KCND3: variants seen among roughly 807,000 people sequenced by gnomAD.
The protein encoded by KCND3 is potassium voltage-gated channel subfamily D member 3, also known as A-type voltage-gated potassium channel KCND3.
In KCND3, 9 loss-of-function variants were observed where a neutral mutation model predicts 51.1. That is an observed-to-expected ratio of 0.18 (90% CI 0.11 to 0.31). The LOEUF (loss-of-function observed/expected upper bound fraction) is 0.31, where lower values mean the gene tolerates loss of function less well. Ranked by LOEUF, KCND3 falls within the 10% of genes least tolerant of loss-of-function variation. KCND3 has a pLI of 1.00. For synonymous variants in KCND3, 349 were observed against 368.0 expected, an observed-to-expected ratio of 0.95 and a Z score of 0.59; for missense variants, 526 against 903.8, an observed-to-expected ratio of 0.58 and a Z score of 5.36.
intron 2 of KCND3, among the ~76,000 whole-genome samples, chr1:111,937,432 T>TG (rs1437470336): frequency 1.3e-5 from 2 of 152,076 alleles, no homozygotes; most frequent in African/African-American, 2.4e-5. Flanking sequence ...TCAGACTCCC[T>TG]GGGGGAAGGT....
intron 2 of KCND3, among the ~76,000 whole-genome samples, chr1:111,847,467 A>C (rs1302961558): frequency 6.6e-6 from 1 of 152,198 alleles, no homozygotes; most frequent in African/African-American, 2.4e-5. Context: ...TTTCTGGAAT[A>C]AACACGTCAG....
chr1:111,775,820 C>CA lies in KCND3; in HGVS notation c.*256_*257insT. On this transcript the variant is annotated 3_prime_UTR_variant, in exon 8 of 8. Transcript: ENST00000302127. ...CCTATATCCCCCGGCCTATCCCCGA[C>CA]CCCCCCACCCTCCCTCCCTTCCTCT... 2 of 124,962 alleles carry CA rather than the reference C, an allele frequency of 1.6e-5. No individual in the cohort carries two copies. The highest frequency in any genetic ancestry group is 2.2e-4 in the South Asian group (1 of 4,628). The allele number at this position is 124,962 out of a possible 1,614,324, so 7.7% of individuals were successfully genotyped here. A position where few individuals can be genotyped will look rare whatever the true frequency, so the allele number is the denominator to read the frequency against.
intron 2 of KCND3, among the ~76,000 whole-genome samples, chr1:111,937,708 A>C (rs537302375): frequency 1.3e-5 from 2 of 152,256 alleles, no homozygotes; most frequent in East Asian, 1.9e-4. Flanking sequence ...CTCAGTCTCC[A>C]TTCCCAGGAA....
intron 2 of KCND3, among the ~76,000 whole-genome samples, chr1:111,904,856 T>C (rs1571829617): frequency 6.6e-6 from 1 of 151,842 alleles, no homozygotes; most frequent in Non-Finnish European, 1.5e-5. Context: ...TCTGTGGAGG[T>C]AGACTCAGGA....
intron 2 of KCND3, among the ~76,000 whole-genome samples, chr1:111,889,224 A>G (rs1046672509): frequency 6.6e-6 from 1 of 152,212 alleles, no homozygotes; most frequent in African/African-American, 2.4e-5. Context: ...CCAAAAATTC[A>G]GGGGACAGAC....
intron 2 of KCND3, among the ~76,000 whole-genome samples, chr1:111,869,073 C>T (rs762128560): frequency 6.6e-6 from 1 of 152,198 alleles, no homozygotes; most frequent in Non-Finnish European, 1.5e-5. Flanking sequence ...TACTTCCTTC[C>T]ACACGCTGCC....
At chr1:111,975,695 C>G (rs976223740) in intron 2 of KCND3, among the ~76,000 whole-genome samples, 1 of 152,208 alleles carries the variant, frequency 6.6e-6, no homozygotes, top group African/African-American at 2.4e-5. Flanking sequence ...TCATGAGGAC[C>G]CTACATGAGC....
At chr1:111,976,701 C>A (rs901550535) in intron 2 of KCND3, among the ~76,000 whole-genome samples, 1 of 152,232 alleles carries the variant, frequency 6.6e-6, no homozygotes, top group African/African-American at 2.4e-5. Flanking sequence ...GTGTACCCAG[C>A]TCCTGGAGGT....
chr1:111,894,215 C>A (rs1669989863), intron 2 of KCND3, among the ~76,000 whole-genome samples: 1 of 152,180 alleles, frequency 6.6e-6, no homozygotes, highest in African/African-American at 2.4e-5. Flanking sequence ...TCTGCTCCAG[C>A]CTCACGGCCT....
intron 2 of KCND3, among the ~76,000 whole-genome samples, chr1:111,908,723 CT>C (rs1305199496): frequency 6.6e-6 from 1 of 152,110 alleles, no homozygotes; most frequent in Non-Finnish European, 1.5e-5. Context: ...TAATTCAACA[CT>C]TTTTTTGTCT....
intron 2 of KCND3, chr1:111,910,282 G>A (rs1670870817): frequency 6.6e-6 from 1 of 152,220 alleles, no homozygotes; most frequent in South Asian, 2.1e-4. Flanking sequence ...TAAAGGTGAA[G>A]CACAACATCA....
At chr1:111,923,487 C>T (rs1326022784) in intron 2 of KCND3, among the ~76,000 whole-genome samples, 2 of 152,218 alleles carry the variant, frequency 1.3e-5, no homozygotes, top group Non-Finnish European at 2.9e-5. Flanking sequence ...CCCACTGAAG[C>T]TTCCAGGCTC....
At chr1:111,958,353 G>A (rs1224917523) in intron 2 of KCND3, among the ~76,000 whole-genome samples, 1 of 152,174 alleles carries the variant, frequency 6.6e-6, no homozygotes, top group Non-Finnish European at 1.5e-5. Context: ...CAAGGTAGGA[G>A]AGAGCCTCAG....
chr1:111,925,539 C>G (rs1671659826), intron 2 of KCND3, among the ~76,000 whole-genome samples: 1 of 152,204 alleles, frequency 6.6e-6, no homozygotes, highest in South Asian at 2.1e-4. Context: ...GACCTGGGTT[C>G]TAACTGTGTG....
intron 2 of KCND3, among the ~76,000 whole-genome samples, chr1:111,810,921 C>A (rs901575101): frequency 6.6e-6 from 1 of 152,104 alleles, no homozygotes; most frequent in African/African-American, 2.4e-5. Flanking sequence ...AGGAGCCAAG[C>A]CAATAATTGG....
At chr1:111,962,082 G>A (rs17676470) in intron 2 of KCND3, among the ~76,000 whole-genome samples, 38,753 of 152,142 alleles carry the variant, frequency 0.25, 5,215 homozygotes, top group South Asian at 0.35. Flanking sequence ...CCAAGCCCCA[G>A]TGATGGCTAA....
chr1:111,803,013 G>A (rs1665389211), intron 2 of KCND3, among the ~76,000 whole-genome samples: 1 of 152,242 alleles, frequency 6.6e-6, no homozygotes, highest in African/African-American at 2.4e-5. Context: ...TGTGTGGGGT[G>A]AGGAGGCTCC....
Position 111,773,358 on chromosome 1 carries a change from A to G in KCND3, c.*2719T>C, listed in dbSNP as rs1204215892. 6.6e-6 allele frequency: 1 copy of G among 151,300 alleles called. No homozygotes were observed. The highest frequency in any genetic ancestry group is 2.4e-5 in the African/African-American group (1 of 41,160). The allele number at this position is 151,300 out of a possible 1,614,324, so 9.4% of individuals were successfully genotyped here. A position where few individuals can be genotyped will look rare whatever the true frequency, so the allele number is the denominator to read the frequency against. On this transcript the variant is annotated 3_prime_UTR_variant, in exon 8 of 8. Transcript: ENST00000302127. Reference sequence around the variant, plus strand: ...TAACCCTGTAATGATCTGTTCTTAAATTCATCACAGGAAGTTTGTATGTGT... The same window carrying G: ...TAACCCTGTAATGATCTGTTCTTAAGTTCATCACAGGAAGTTTGTATGTGT...
intron 2 of KCND3, among the ~76,000 whole-genome samples, chr1:111,959,633 G>A (rs1251114563): frequency 6.6e-6 from 1 of 152,148 alleles, no homozygotes; most frequent in Non-Finnish European, 1.5e-5. Context: ...CCCCCTGCTG[G>A]GGATGGCAGT....
Sources: gnomAD v4.1 joint callset for allele counts (sites outside exome capture counted in the v4.1 genomes callset) on GRCh38, gnomAD v4.1.1 for gene constraint, MANE v1.5 for transcripts, NCBI Gene and HGNC (gene_info 2026-07-23, HGNC 2026-07-21) for gene names.